SLC12A6: variants seen among roughly 807,000 people sequenced by gnomAD.
SLC12A6 encodes K-Cl cotransporter 3.
A neutral mutation model predicts 135.3 loss-of-function variants in SLC12A6; 66 were observed. That is an observed-to-expected ratio of 0.49 (90% CI 0.40 to 0.60). SLC12A6 has a LOEUF of 0.60. Among genes scored for constraint, SLC12A6 ranks in the 20% least tolerant of loss-of-function variants. SLC12A6 has a pLI of 0.00. For missense variants in SLC12A6, 1,058 were observed against 1,452.3 expected, an observed-to-expected ratio of 0.73 and a Z score of 4.41; for synonymous variants, 513 against 508.8, an observed-to-expected ratio of 1.01 and a Z score of -0.11.
intron 15 of SLC12A6, 43 bp from the exon 16 acceptor site, chr15:34,244,115 G>A (rs1891829486): frequency 1.8e-6 from 2 of 1,108,732 alleles, no homozygotes; most frequent in Non-Finnish European, 2.8e-6. Context: ...ACTGGAAGAT[G>A]ATTCTTTGAA....
intron 2 of SLC12A6, among the ~76,000 whole-genome samples, chr15:34,336,076 T>G (rs1478168398): frequency 1.4e-4 from 22 of 152,166 alleles, no homozygotes; most frequent in Admixed American, 1.4e-3. Flanking sequence ...ATTTTAAAAT[T>G]TAGGATTCTG....
intron 2 of SLC12A6, among the ~76,000 whole-genome samples, chr15:34,292,615 C>CA (rs1437382924): frequency 6.6e-6 from 1 of 152,214 alleles, no homozygotes; most frequent in Non-Finnish European, 1.5e-5. Flanking sequence ...TCTAGAGAAG[C>CA]AGTAGGCCTT....
rs1282265576 is a variant in SLC12A6, at chr15:34,245,797, T to C, written c.1720A>G (p.Ile574Val). 6.2e-7 allele frequency: 1 copy of C among 1,613,498 alleles called. No homozygotes were observed. The highest frequency in any genetic ancestry group is 1.7e-5 in the Admixed American group (1 of 60,012). ...LSWPSPWVIV[I>V]GSFFSTCGAG... is the part of the protein sequence containing the mutation. ...CCACATGTTGAAAAGAAGGAGCCAATAACAATCACCCATGGGGATGGCCAA... is the reference window on the plus strand; with the variant it reads ...CCACATGTTGAAAAGAAGGAGCCAACAACAATCACCCATGGGGATGGCCAA... The change falls in exon 14 of 26, where the codon ATT becomes GTT. Residue 574 changes from isoleucine to valine, a missense_variant. Around this residue, in one of 6 missense-constraint regions of SLC12A6, gnomAD observed 170 missense variants for 297.6 expected, o/e 0.57. Transcript: ENST00000354181.
At chr15:34,307,882 T>A (rs1239087481) in intron 2 of SLC12A6, among the ~76,000 whole-genome samples, 2 of 152,172 alleles carry the variant, frequency 1.3e-5, no homozygotes, top group African/African-American at 4.8e-5. Flanking sequence ...CAGAATCTTC[T>A]GTCACAAAAG....
At chr15:34,237,641 C>T in intron 21 of SLC12A6, 91 bp from the exon 22 acceptor site, 1 of 1,065,868 alleles carries the variant, frequency 9.4e-7, no homozygotes, top group Non-Finnish European at 1.4e-6. Context: ...TCTAGAAGAA[C>T]CTTGCTATAT....
intron 3 of SLC12A6, among the ~76,000 whole-genome samples, chr15:34,270,368 G>GA (rs761348563): frequency 1.3e-5 from 2 of 152,120 alleles, no homozygotes; most frequent in Non-Finnish European, 2.9e-5. Context: ...AAAGTGCTGG[G>GA]ACTACAGGCG....
chr15:34,256,306 G>A, intron 6 of SLC12A6, 23 bp from the exon 7 acceptor site: 1 of 1,538,116 alleles, frequency 6.5e-7, no homozygotes, highest in South Asian at 1.1e-5. Flanking sequence ...GGAAAGGAGA[G>A]GATTGTTACT....
chr15:34,325,940 G>C (rs1252379218), intron 2 of SLC12A6, among the ~76,000 whole-genome samples: 18 of 152,158 alleles, frequency 1.2e-4, no homozygotes, highest in Non-Finnish European at 4.4e-5. Context: ...TGAACCTTGA[G>C]AACACAACAC....
chr15:34,249,418 C>G (rs577216765), intron 13 of SLC12A6, among the ~76,000 whole-genome samples: 1 of 152,042 alleles, frequency 6.6e-6, no homozygotes, highest in East Asian at 1.9e-4. Context: ...AAAAAAACTA[C>G]TAGCTGGGTG....
At chr15:34,279,391 T>C (rs969420844) in intron 2 of SLC12A6, among the ~76,000 whole-genome samples, 1 of 152,014 alleles carries the variant, frequency 6.6e-6, no homozygotes, top group African/African-American at 2.4e-5. Flanking sequence ...TGGGAGTATA[T>C]AGGCCCGTGA....
At chr15:34,319,020 C>T (rs1017834041) in intron 2 of SLC12A6, among the ~76,000 whole-genome samples, 2 of 152,142 alleles carry the variant, frequency 1.3e-5, no homozygotes, top group Non-Finnish European at 2.9e-5. Flanking sequence ...GAACTACTGT[C>T]TACCGCTTGC....
At chr15:34,266,466 G>C (rs1362577449) in intron 3 of SLC12A6, among the ~76,000 whole-genome samples, 1 of 151,998 alleles carries the variant, frequency 6.6e-6, no homozygotes, top group East Asian at 1.9e-4. Context: ...TTTTGAGACA[G>C]GGTCTCACTC....
intron 10 of SLC12A6, among the ~76,000 whole-genome samples, chr15:34,251,332 C>T (rs917935904): frequency 6.6e-6 from 1 of 152,088 alleles, no homozygotes; most frequent in Non-Finnish European, 1.5e-5. Context: ...ACTGCAAGCT[C>T]TGCCTCCCAG....
intron 3 of SLC12A6, 85 bp downstream of exon 3, chr15:34,275,260 G>A: frequency 1.4e-6 from 1 of 734,656 alleles, no homozygotes; most frequent in Non-Finnish European, 2.5e-6. Flanking sequence ...ATAGAAAATA[G>A]AATCAGAGAA....
chr15:34,259,662 T>C (rs573953259), intron 4 of SLC12A6, among the ~76,000 whole-genome samples: 1 of 152,210 alleles, frequency 6.6e-6, no homozygotes, highest in South Asian at 2.1e-4. Context: ...AAATGGTACA[T>C]TGAGAGAAGT....
chr15:34,252,794 C>T (rs540498805), intron 9 of SLC12A6, among the ~76,000 whole-genome samples: 45 of 152,300 alleles, frequency 3.0e-4, no homozygotes, highest in Non-Finnish European at 5.1e-4. Context: ...ATTGTTAGGT[C>T]TAAAAGAATA....
chr15:34,280,468 T>TAAG (rs1894601033), intron 2 of SLC12A6, among the ~76,000 whole-genome samples: 1 of 152,184 alleles, frequency 6.6e-6, no homozygotes, highest in African/African-American at 2.4e-5. Flanking sequence ...ATTTCTAACT[T>TAAG]TCTTAACTCC....
chr15:34,336,881 A>G, intron 1 of SLC12A6, 129 bp from the exon 2 acceptor site: 1 of 608,856 alleles, frequency 1.6e-6, no homozygotes, highest in East Asian at 2.8e-5. Flanking sequence ...TGCATCACCA[A>G]TAGGTGAATA....
intron 22 of SLC12A6, chr15:34,237,207 A>G (rs1891323915): frequency 2.0e-6 from 1 of 509,842 alleles, no homozygotes; most frequent in South Asian, 2.1e-5. Context: ...GTAATAAACA[A>G]GAAAGCAAAA....
Sources: allele counts gnomAD v4.1 joint callset (sites outside exome capture counted in the v4.1 genomes callset), GRCh38; gene constraint gnomAD v4.1.1; regional missense constraint gnomAD v4.1.1; transcripts MANE v1.5; gene names NCBI Gene and HGNC (gene_info 2026-07-23, HGNC 2026-07-21).